DOCK1: variants seen among roughly 807,000 people sequenced by gnomAD.
The protein encoded by DOCK1 is dedicator of cytokinesis protein 1.
Under a neutral mutation model 262.7 loss-of-function variants are expected in DOCK1, and 138 were observed. The observed-to-expected ratio is 0.53, with a 90% CI of 0.46 to 0.61. The LOEUF (loss-of-function observed/expected upper bound fraction) is 0.61. Ranked by LOEUF, DOCK1 falls within the 20% of genes least tolerant of loss-of-function variation. The probability of loss-of-function intolerance (pLI) is 0.00; values close to 1 mark genes in which losing one functional copy is unlikely to be tolerated. For missense variants in DOCK1, 1,908 were observed against 2,370.7 expected, an observed-to-expected ratio of 0.80 and a Z score of 4.05; for synonymous variants, 866 against 867.4, an observed-to-expected ratio of 1.00 and a Z score of 0.03.
At position 127,354,695 on chromosome 10, in the gene DOCK1, G is replaced by T. The variant is rs775462971; in HGVS notation, c.3251G>T (p.Gly1084Val). 2 of 1,613,956 alleles carry T rather than the reference G, an allele frequency of 1.2e-6. No individual in the cohort carries two copies. The highest frequency in any genetic ancestry group is 2.2e-5 in the South Asian group (2 of 91,082). Residue 1084 changes from glycine (G) to valine (V), a missense_variant, in exon 32 of 52, where the codon GGC (glycine) becomes GTC (valine). Around this residue, in one of 9 missense-constraint regions of DOCK1, gnomAD observed 518 missense variants for 575.1 expected, o/e 0.90. Transcript: ENST00000623213. Reference protein sequence around the residue: ...NKYGDMRRQIGFEIRDMWYNL... With the variant: ...NKYGDMRRQIVFEIRDMWYNL... ...TACGGAGATATGAGGAGACAGATTG[G>T]CTTTGAAATCAGAGACATGTGGTAC...
intron 1 of DOCK1, among the ~76,000 whole-genome samples, chr10:126,951,157 A>G: frequency 6.6e-6 from 1 of 151,464 alleles, no homozygotes; most frequent in East Asian, 1.9e-4. Flanking sequence ...TGGTGGTAGT[A>G]TTACTGGTAG....
rs760783594 is a variant in DOCK1, at chr10:127,176,167, G to T, written c.2847+48403G>T. On this transcript the variant is annotated intron_variant, in intron 27 of 51. Transcript: ENST00000623213. The surrounding 1 kb of genome is among the most constrained non-coding windows in gnomAD (Gnocchi z 4.4). ...CGGTAGGCTGCTCTGCAGGACACGG[G>T]CTTGGCCTCCCGCTTCTCCCCCAGC... 7 of 1,614,134 alleles carry T rather than the reference G, an allele frequency of 4.3e-6. No individual in the cohort carries two copies. The Middle Eastern group carries it at 4.9e-4, about 114-fold the overall frequency.
chr10:127,075,656 G>A (rs1022689053), intron 23 of DOCK1, among the ~76,000 whole-genome samples: 1 of 152,156 alleles, frequency 6.6e-6, no homozygotes. Flanking sequence ...CATGGCGGCA[G>A]GAGAGAGAGC....
chr10:127,201,980 C>T (rs1427897581), intron 27 of DOCK1, among the ~76,000 whole-genome samples: 1 of 152,120 alleles, frequency 6.6e-6, no homozygotes, highest in African/African-American at 2.4e-5. Flanking sequence ...GCCACCTTCT[C>T]ATAAAGTGGC....
intron 27 of DOCK1, among the ~76,000 whole-genome samples, chr10:127,142,187 G>A (rs914568725): frequency 2.6e-5 from 4 of 152,224 alleles, no homozygotes; most frequent in Non-Finnish European, 4.4e-5. Context: ...GCCACCAGAC[G>A]TGCTGTGTGC....
At chr10:127,119,321 C>T (rs1360897886) in intron 25 of DOCK1, among the ~76,000 whole-genome samples, 1 of 152,184 alleles carries the variant, frequency 6.6e-6, no homozygotes, top group Non-Finnish European at 1.5e-5. Flanking sequence ...GCTGGGATTA[C>T]AGGCGTGAGC....
intron 28 of DOCK1, among the ~76,000 whole-genome samples, chr10:127,256,130 C>T (rs7070577): frequency 0.33 from 50,708 of 152,052 alleles, 9,735 homozygotes; most frequent in South Asian, 0.57. Context: ...CAGGATCACT[C>T]ATTTTATTTA....
rs571844542 is a variant in DOCK1, at chr10:127,175,106, G to A, written c.2847+47342G>A. On this transcript the variant is annotated intron_variant, in intron 27 of 51. Coordinates refer to ENST00000623213, the MANE Select transcript of DOCK1 (RefSeq NM_001290223.2). This position sits in a 1 kb window ranked among gnomAD's most constrained non-coding sequence, Gnocchi z 6.3. ...CGCCCTTAGACTATGACCTGTTTACGGAAATGCTGGCTTTAGTCTCATTAC... is the reference window on the plus strand; with the variant it reads ...CGCCCTTAGACTATGACCTGTTTACAGAAATGCTGGCTTTAGTCTCATTAC... 250 of 995,902 alleles carry A rather than the reference G, an allele frequency of 2.5e-4. 2 individuals carry two copies. In the African/African-American group the frequency reaches 3.5e-3, roughly 14 times the overall value. The allele number at this position is 995,902 out of a possible 1,614,324, so 61.7% of individuals were successfully genotyped here. A position where few individuals can be genotyped will look rare whatever the true frequency, so the allele number is the denominator to read the frequency against.
intron 1 of DOCK1, among the ~76,000 whole-genome samples, chr10:126,905,790 G>C (rs2030645416): frequency 1.3e-5 from 2 of 151,078 alleles, no homozygotes; most frequent in African/African-American, 4.9e-5. Flanking sequence ...GGAACACGAG[G>C]GGGTGGGGTG....
intron 23 of DOCK1, among the ~76,000 whole-genome samples, chr10:127,066,884 C>T (rs191172518): frequency 5.3e-5 from 8 of 152,334 alleles, no homozygotes; most frequent in East Asian, 3.9e-4. Flanking sequence ...TGGGGTAACG[C>T]GCTGGTTTAA....
At chr10:127,259,180 C>G (rs908259273) in intron 29 of DOCK1, among the ~76,000 whole-genome samples, 1 of 152,158 alleles carries the variant, frequency 6.6e-6, no homozygotes, top group African/African-American at 2.4e-5. Flanking sequence ...AGCTCTGGCC[C>G]GGGGAGCAGA....
At chr10:127,233,437 T>C (rs1199278092) in intron 27 of DOCK1, among the ~76,000 whole-genome samples, 1 of 152,244 alleles carries the variant, frequency 6.6e-6, no homozygotes, top group Non-Finnish European at 1.5e-5. Context: ...TGATTATTTT[T>C]CTCAATGAGC....
At chr10:127,291,676 C>T (rs1248620062) in intron 29 of DOCK1, among the ~76,000 whole-genome samples, 1 of 152,212 alleles carries the variant, frequency 6.6e-6, no homozygotes, top group African/African-American at 2.4e-5. Flanking sequence ...CGTTTGCCTC[C>T]TTCCTTTGGT....
rs773937429 is a variant in DOCK1 at position 127,415,134 on chromosome 10, T to C, written c.4429-18T>C. ...ACATCCTTCTAACCCGTGTTGTGTGTGTGTGTTTCCTTTGCAGAATATGTG... is the reference window on the plus strand; with the variant it reads ...ACATCCTTCTAACCCGTGTTGTGTGCGTGTGTTTCCTTTGCAGAATATGTG... On this transcript the variant is annotated intron_variant, in intron 43 of 51. Coordinates refer to ENST00000623213, the MANE Select transcript of DOCK1 (RefSeq NM_001290223.2). 11 of 1,610,302 alleles carry C rather than the reference T, an allele frequency of 6.8e-6. No individual in the cohort carries two copies. The highest frequency in any genetic ancestry group is 8.5e-6 in the Non-Finnish European group (10 of 1,177,382).
At chr10:127,124,798 C>G (rs903162141) in intron 25 of DOCK1, among the ~76,000 whole-genome samples, 2 of 152,126 alleles carry the variant, frequency 1.3e-5, no homozygotes, top group African/African-American at 4.8e-5. Flanking sequence ...CATACTTTGG[C>G]TCACCTTGGC....
chr10:127,416,629 C>G (rs923977443), intron 44 of DOCK1, among the ~76,000 whole-genome samples: 1 of 152,202 alleles, frequency 6.6e-6, no homozygotes, highest in African/African-American at 2.4e-5. Context: ...ATGCCCTCCT[C>G]GTGCCACCTG....
At chr10:126,911,506 C>T (rs1263819643) in intron 1 of DOCK1, among the ~76,000 whole-genome samples, 1 of 152,142 alleles carries the variant, frequency 6.6e-6, no homozygotes, top group Non-Finnish European at 1.5e-5. Flanking sequence ...ACCAGGTGGT[C>T]GCTTGTCAAG....
intron 29 of DOCK1, among the ~76,000 whole-genome samples, chr10:127,285,362 G>T (rs1213784470): frequency 6.6e-6 from 1 of 152,196 alleles, no homozygotes; most frequent in African/African-American, 2.4e-5. Flanking sequence ...AACATACTTT[G>T]TTCCTTTTGT....
At chr10:126,983,662 C>T (rs1456324777) in intron 4 of DOCK1, among the ~76,000 whole-genome samples, 3 of 152,184 alleles carry the variant, frequency 2.0e-5, no homozygotes, top group Non-Finnish European at 4.4e-5. Context: ...CTGTCTTTCT[C>T]TTGCAAGGCT....
Sources: allele counts gnomAD v4.1 joint callset (sites outside exome capture counted in the v4.1 genomes callset), GRCh38; gene constraint gnomAD v4.1.1; regional missense constraint gnomAD v4.1.1; non-coding constraint Gnocchi (gnomAD v3.1); transcripts MANE v1.5; gene names NCBI Gene and HGNC (gene_info 2026-07-23, HGNC 2026-07-21).